The following SYT7 variants were observed in gnomAD, a reference collection of about 807,000 sequenced individuals.
SYT7 encodes the protein synaptotagmin-7.
Under a neutral mutation model 75.1 loss-of-function variants are expected in SYT7, and 29 were observed. That is an observed-to-expected ratio of 0.39 (90% CI 0.29 to 0.53). The LOEUF is 0.53. Among genes scored for constraint, SYT7 ranks in the 20% least tolerant of loss-of-function variants. The pLI is 0.77. For synonymous variants in SYT7, 376 were observed against 401.7 expected (o/e 0.94, Z 0.76); for missense variants, 693 against 953.2 (o/e 0.73, Z 3.59).
At chr11:61,586,193 C>T in the SYT7 span, among the ~76,000 whole-genome samples, 4 of 152,232 alleles carry the variant, frequency 2.6e-5, no homozygotes, top group African/African-American at 9.6e-5. Context: ...CTCTCTTCTC[C>T]ATGGTCACCC....
chr11:61,541,367 G>A (rs540369355), intron 6 of SYT7: 1 of 948,574 alleles, frequency 1.1e-6, no homozygotes, highest in South Asian at 4.9e-5. Context: ...ACCTGTCTTA[G>A]GCTCTGAGAG....
At chr11:61,574,203 T>A (rs543004163) in intron 1 of SYT7, among the ~76,000 whole-genome samples, 1 of 152,354 alleles carries the variant, frequency 6.6e-6, no homozygotes, top group East Asian at 1.9e-4. Flanking sequence ...GGGCTGGCTC[T>A]CTGCTAAATA....
chr11:61,550,889 C>T (rs902506474), intron 3 of SYT7, among the ~76,000 whole-genome samples: 18 of 152,196 alleles, frequency 1.2e-4, no homozygotes, highest in African/African-American at 2.4e-5. Context: ...TGCTCCCCAG[C>T]GCTCTGCTCC....
chr11:61,543,533 T>G (rs1442091205), intron 5 of SYT7, among the ~76,000 whole-genome samples: 1 of 152,344 alleles, frequency 6.6e-6, no homozygotes, highest in African/African-American at 2.4e-5. Flanking sequence ...ACCCCACCTC[T>G]GCCACTTACT....
chr11:61,533,784 G>A lies in SYT7; in HGVS notation c.1065-660C>T, dbSNP rs531674011. On this transcript the variant is annotated intron_variant, in intron 7 of 12. Transcript: ENST00000539008. ...TGCAATGTGGCCAGTGTGGCTGAGA[G>A]CTGAAATTTTAATTTTGTTGAATGT... The A allele has an allele frequency of 4.1e-4, 226 of 549,096 alleles. 1 individual carries two copies. The highest frequency in any genetic ancestry group is 5.0e-4 in the Non-Finnish European group (217 of 431,588). The allele number at this position is 549,096 out of a possible 1,614,324, so 34.0% of individuals were successfully genotyped here. A position where few individuals can be genotyped will look rare whatever the true frequency, so the allele number is the denominator to read the frequency against.
rs988464092 is a variant in SYT7, at chr11:61,571,165, C to CCT, written c.31+9623_31+9624dup. Reference sequence around the variant, plus strand: ...CACTCTGCATTCTTTCCCTAAGAACCCTCTCAGCCCCTGCTTGGCGCCCCA... The same window carrying CCT: ...CACTCTGCATTCTTTCCCTAAGAACCCTCTCTCAGCCCCTGCTTGGCGCCCCA... On this transcript the variant is annotated intron_variant, in intron 1 of 12. Transcript: ENST00000539008. Among the ~76,000 whole-genome samples the CCT allele has an allele frequency of 6.6e-5, 10 of 152,336 alleles. No individual in the cohort carries two copies. In the South Asian group the frequency reaches 1.0e-3, roughly 16 times the overall value.
Position 61,524,654 on chromosome 11 carries a change from G to T in SYT7, c.1472-122C>A. The T allele has an allele frequency of 2.2e-6, 2 of 924,446 alleles. No homozygotes were observed. The highest frequency in any genetic ancestry group is 3.2e-6 in the Non-Finnish European group (2 of 623,030). The allele number at this position is 924,446 out of a possible 1,614,324, so 57.3% of individuals were successfully genotyped here. A position where few individuals can be genotyped will look rare whatever the true frequency, so the allele number is the denominator to read the frequency against. On this transcript the variant is annotated intron_variant, in intron 9 of 12. Transcript: ENST00000539008. The surrounding 1 kb of genome is among the most constrained non-coding windows in gnomAD (Gnocchi z 4.1). ...TGCCCTCCCGCTGCCACCCCACCGG[G>T]CCAGCAGGCACACCGGATTGCAATT... is the stretch of plus-strand genomic sequence containing the variant.
Position 61,528,174 on chromosome 11 carries a change from G to C in SYT7, c.1212C>G (p.Gly404=). 2 of 1,611,514 alleles carry C rather than the reference G, an allele frequency of 1.2e-6. No individual in the cohort carries two copies. The highest frequency in any genetic ancestry group is 2.2e-5 in the South Asian group (2 of 91,072). ...LTSEMLMLSP[G]SEEDEAHEGC... is the part of the protein sequence containing the mutation. ...CCTCGTGGGCCTCATCCTCCTCGGAGCCTGGGGAGAGCTGGGGGTGGGGGA... is the reference window on the plus strand; with the variant it reads ...CCTCGTGGGCCTCATCCTCCTCGGACCCTGGGGAGAGCTGGGGGTGGGGGA... Residue 404 remains glycine (G), a synonymous_variant, in exon 9 of 13, where the codon GGC becomes GGG. Transcript: ENST00000539008.
intron 8 of SYT7, among the ~76,000 whole-genome samples, chr11:61,530,541 C>T (rs550097089): frequency 8.5e-5 from 13 of 152,264 alleles, no homozygotes; most frequent in East Asian, 3.9e-4. Flanking sequence ...AGTTCTGCCC[C>T]GCGACCTGAC....
intron 1 of SYT7, among the ~76,000 whole-genome samples, chr11:61,575,516 A>C (rs116443999): frequency 0.035 from 5,338 of 152,282 alleles, 316 homozygotes; most frequent in African/African-American, 0.12. Flanking sequence ...AAATGCTTGT[A>C]TCTTACACAT....
intron 1 of SYT7, among the ~76,000 whole-genome samples, chr11:61,567,310 G>A (rs915231591): frequency 6.6e-6 from 1 of 151,778 alleles, no homozygotes; most frequent in Non-Finnish European, 1.5e-5. Flanking sequence ...TCATTTACAC[G>A]GCAAATATTA....
In SYT7 at chr11:61,552,326, T is replaced by C. The variant is rs1590907243; in HGVS notation, c.136-863A>G. Among the ~76,000 whole-genome samples the C allele has an allele frequency of 2.0e-5, 3 of 151,952 alleles. No homozygotes were observed. The South Asian group carries it at 6.2e-4, about 32-fold the overall frequency. On this transcript the variant is annotated intron_variant, in intron 2 of 12. Coordinates refer to ENST00000539008, the MANE Select transcript of SYT7 (RefSeq NM_001365809.2). The stretch of plus-strand genomic sequence containing the variant: ...CACCAAGCGTCCTCACACGCACCCA[T>C]GGGCCACGGACCTGGGCCAGGTCCA...
At chr11:61,552,319 G>T (rs751770002) in intron 2 of SYT7, among the ~76,000 whole-genome samples, 3 of 152,028 alleles carry the variant, frequency 2.0e-5, no homozygotes, top group African/African-American at 7.2e-5. Context: ...GTCCTCACAC[G>T]CACCCATGGG....
intron 7 of SYT7, among the ~76,000 whole-genome samples, chr11:61,537,721 G>T (rs565752314): frequency 2.0e-5 from 3 of 152,338 alleles, no homozygotes; most frequent in Admixed American, 6.5e-5. Flanking sequence ...GAGGGGGTGG[G>T]GATGAGGGAG....
At chr11:61,566,214 G>A (rs1337791755) in intron 1 of SYT7, among the ~76,000 whole-genome samples, 1 of 152,186 alleles carries the variant, frequency 6.6e-6, no homozygotes, top group Non-Finnish European at 1.5e-5. Flanking sequence ...GTTTACTGAG[G>A]GTTTCACATG....
In SYT7 at chr11:61,540,662, G is replaced by A. The variant is rs999422150; in HGVS notation, c.941+1549C>T. ...AGCAGGCAGGGAAGAGATGGTACCC[G>A]GGTTCCTGGCAGGCCCCTGGCCCAG... On this transcript the variant is annotated intron_variant, in intron 6 of 12. Transcript: ENST00000539008. The A allele has an allele frequency of 3.3e-5, 33 of 985,390 alleles. No homozygotes were observed. The Admixed American group carries it at 6.8e-4, about 20-fold the overall frequency. 61.0% of individuals were successfully genotyped at this position (985,390 alleles called of 1,614,324 possible).
rs1209370186 is a variant in SYT7 at position 61,538,340 on chromosome 11, A to AGAGAGG, written c.942-80_942-75dup. On this transcript the variant is annotated intron_variant, in intron 6 of 12. Coordinates refer to ENST00000539008, the MANE Select transcript of SYT7 (RefSeq NM_001365809.2). ...GTGGGCGGGGGCAGGGGGGAAGGAG[A>AGAGAGG]GAGAGGGAGAGAGAGAGAGAGAGAG... 1.0e-4 allele frequency: 94 copies of AGAGAGG among 902,686 alleles called. 1 individual carries two copies. Among genetic ancestry groups the AGAGAGG allele is most frequent in the African/African-American group, 9.6e-4 (48 of 50,100 alleles). The allele number at this position is 902,686 out of a possible 1,614,324, so 55.9% of individuals were successfully genotyped here.
chr11:61,541,875 TGGCCAAGA>T (rs2063052747), intron 6 of SYT7, among the ~76,000 whole-genome samples: 1 of 152,106 alleles, frequency 6.6e-6, no homozygotes, highest in Non-Finnish European at 1.5e-5. Context: ...GAAGGAAGAC[TGGCCAAGA>T]GGCCAAGAGC....
chr11:61,558,407 T>C (rs1459536991), intron 1 of SYT7, among the ~76,000 whole-genome samples: 9 of 149,780 alleles, frequency 6.0e-5, no homozygotes, highest in Non-Finnish European at 1.2e-4. Flanking sequence ...GGGGCGGAGG[T>C]TTTAGTGAGC....
Sources: gnomAD v4.1 joint callset for allele counts (sites outside exome capture counted in the v4.1 genomes callset) on GRCh38, gnomAD v4.1.1 for gene constraint, Gnocchi (gnomAD v3.1) non-coding constraint, MANE v1.5 for transcripts, NCBI Gene and HGNC (gene_info 2026-07-23, HGNC 2026-07-21) for gene names.